Variants in PTPRD observed in about 807,000 individuals in gnomAD.
The protein encoded by PTPRD is receptor-type tyrosine-protein phosphatase delta.
PTPRD carries 34 observed loss-of-function variants against 214.5 expected under a neutral mutation model. The observed-to-expected ratio is 0.16, with a 90% CI of 0.12 to 0.21. The LOEUF (loss-of-function observed/expected upper bound fraction) is 0.21, where lower values mean the gene tolerates loss of function less well. Among genes scored for constraint, PTPRD ranks in the 10% least tolerant of loss-of-function variants. PTPRD has a pLI of 1.00. For missense variants in PTPRD, 2,545 were observed against 2,398.7 expected (o/e 1.06, Z -1.27); for synonymous variants, 1,128 against 845.7 (o/e 1.33, Z -5.79).
chr9:8,761,415 T>G (rs1160235379), intron 11 of PTPRD, among the ~76,000 whole-genome samples: 2 of 152,206 alleles, frequency 1.3e-5, no homozygotes, highest in African/African-American at 4.8e-5. Context: ...TTTCTTTGTG[T>G]GCTTTTTTTC....
intron 12 of PTPRD, among the ~76,000 whole-genome samples, chr9:8,673,113 A>C (rs2097322549): frequency 6.6e-6 from 1 of 152,058 alleles, no homozygotes; most frequent in Admixed American, 6.6e-5. Flanking sequence ...ATTTCAAGCT[A>C]ATTTGTATTA....
intron 8 of PTPRD, among the ~76,000 whole-genome samples, chr9:9,564,888 T>TGTTTTTTTTTG (rs1188912460): frequency 9.9e-6 from 1 of 100,564 alleles, no homozygotes; most frequent in African/African-American, 3.9e-5. Context: ...TCTTCTGTTT[T>TGTTTTTTTTTG]TTTTTTTTTT....
chr9:9,098,529 A>G (rs2099786907), intron 10 of PTPRD, among the ~76,000 whole-genome samples: 1 of 152,188 alleles, frequency 6.6e-6, no homozygotes, highest in Non-Finnish European at 1.5e-5. Flanking sequence ...GATTATAGGC[A>G]TGAGCCACCA....
chr9:10,584,951 T>C (rs147934673), intron 2 of PTPRD, among the ~76,000 whole-genome samples: 2 of 152,170 alleles, frequency 1.3e-5, no homozygotes, highest in African/African-American at 2.4e-5. Context: ...AGGCCAAAAA[T>C]TGCATGATGT....
At chr9:9,193,757 G>C (rs555344867) in intron 9 of PTPRD, among the ~76,000 whole-genome samples, 4 of 152,210 alleles carry the variant, frequency 2.6e-5, no homozygotes, top group African/African-American at 4.8e-5. Context: ...AGCTGCCCTG[G>C]GTGAGTCTGT....
At chr9:10,090,555 T>A (rs969626487) in intron 3 of PTPRD, among the ~76,000 whole-genome samples, 5 of 150,842 alleles carry the variant, frequency 3.3e-5, no homozygotes, top group Admixed American at 1.3e-4. Flanking sequence ...TACATATTTT[T>A]AATGTATTTT....
chr9:9,134,819 G>T (rs1280946276), intron 10 of PTPRD, among the ~76,000 whole-genome samples: 2 of 152,112 alleles, frequency 1.3e-5, no homozygotes, highest in Non-Finnish European at 2.9e-5. Context: ...GTGTGTGTGT[G>T]TGTGTTTTCA....
At chr9:9,194,237 C>T (rs2099936924) in intron 9 of PTPRD, among the ~76,000 whole-genome samples, 1 of 152,114 alleles carries the variant, frequency 6.6e-6, no homozygotes, top group South Asian at 2.1e-4. Flanking sequence ...ATGCCTTCAT[C>T]TGGAATACCT....
intron 3 of PTPRD, among the ~76,000 whole-genome samples, chr9:10,073,563 G>T (rs1025024558): frequency 6.6e-6 from 1 of 152,066 alleles, no homozygotes; most frequent in Non-Finnish European, 1.5e-5. Context: ...AGAAATATTT[G>T]ATTTGCTAAA....
intron 3 of PTPRD, among the ~76,000 whole-genome samples, chr9:10,214,944 G>C (rs2099534569): frequency 6.6e-6 from 1 of 151,982 alleles, no homozygotes; most frequent in Non-Finnish European, 1.5e-5. Context: ...GTTGAAGCTT[G>C]AGTTTTGGAC....
intron 10 of PTPRD, among the ~76,000 whole-genome samples, chr9:9,082,653 C>T (rs1166029730): frequency 6.6e-6 from 1 of 152,048 alleles, no homozygotes; most frequent in Non-Finnish European, 1.5e-5. Flanking sequence ...TAGAAAACCC[C>T]ATCGTATCAG....
At chr9:9,875,855 C>G (rs1306476939) in intron 5 of PTPRD, among the ~76,000 whole-genome samples, 1 of 151,942 alleles carries the variant, frequency 6.6e-6, no homozygotes, top group Admixed American at 6.6e-5. Context: ...AGTTAAAATA[C>G]TATAAAAAAG....
intron 7 of PTPRD, among the ~76,000 whole-genome samples, chr9:9,701,860 T>C (rs565458660): frequency 3.8e-4 from 58 of 152,266 alleles, no homozygotes; most frequent in African/African-American, 1.3e-3. Context: ...GGCTCACTCC[T>C]GTAATCCCAG....
At chr9:9,877,120 G>A (rs1010226289) in intron 5 of PTPRD, among the ~76,000 whole-genome samples, 6 of 152,084 alleles carry the variant, frequency 3.9e-5, no homozygotes, top group African/African-American at 1.4e-4. Flanking sequence ...TATTTCAGCT[G>A]TCATTTGAAA....
At chr9:9,427,324 T>C (rs192543655) in intron 8 of PTPRD, among the ~76,000 whole-genome samples, 1 of 152,042 alleles carries the variant, frequency 6.6e-6, no homozygotes, top group African/African-American at 2.4e-5. Flanking sequence ...TGATGGAAGA[T>C]CAAATGAATG....
intron 2 of PTPRD, among the ~76,000 whole-genome samples, chr9:10,424,999 T>C (rs182220623): frequency 4.9e-4 from 74 of 152,168 alleles, no homozygotes; most frequent in Non-Finnish European, 8.4e-4. Flanking sequence ...ATGCAAATTG[T>C]GCAGTTTCTT....
intron 4 of PTPRD, among the ~76,000 whole-genome samples, chr9:10,017,778 A>T (rs978845950): frequency 6.6e-6 from 1 of 152,002 alleles, no homozygotes; most frequent in African/African-American, 2.4e-5. Flanking sequence ...ATATTTATTT[A>T]ATATTTTGAT....
intron 6 of PTPRD, among the ~76,000 whole-genome samples, chr9:9,761,434 C>T (rs775504018): frequency 6.6e-6 from 1 of 152,052 alleles, no homozygotes; most frequent in Non-Finnish European, 1.5e-5. Flanking sequence ...AAAAAGGCAA[C>T]CTGTCAAATG....
intron 9 of PTPRD, among the ~76,000 whole-genome samples, chr9:9,305,320 G>T (rs919790335): frequency 6.6e-6 from 1 of 152,154 alleles, no homozygotes; most frequent in Admixed American, 6.6e-5. Flanking sequence ...AATAAGATGT[G>T]TTAAGTGTGC....
Sources: gnomAD v4.1 joint callset for allele counts (sites outside exome capture counted in the v4.1 genomes callset) on GRCh38, gnomAD v4.1.1 for gene constraint, MANE v1.5 for transcripts, NCBI Gene and HGNC (gene_info 2026-07-23, HGNC 2026-07-21) for gene names.